Variants in SEC24D observed in about 807,000 individuals in gnomAD.
SEC24D encodes the protein SEC24 homolog D, COPII component, also known as protein transport protein Sec24D.
In SEC24D, 69 loss-of-function variants were observed where a neutral mutation model predicts 116.9. That is an observed-to-expected ratio of 0.59 (90% CI 0.49 to 0.72). The LOEUF (loss-of-function observed/expected upper bound fraction) is 0.72, where lower values mean the gene tolerates loss of function less well. SEC24D is among the 30% of genes least tolerant of loss of function. SEC24D has a pLI of 0.00. For synonymous variants in SEC24D, 405 were observed against 442.8 expected (o/e 0.91, Z 1.07); for missense variants, 1,131 against 1,264.1 (o/e 0.89, Z 1.60).
rs774592228 is a variant in SEC24D, at chr4:118,833,560, T to TCAAAATAA, written c.118+11_118+18dup. 1.4e-5 allele frequency: 21 copies of TCAAAATAA among 1,529,176 alleles called. 1 individual carries two copies. The East Asian group carries it at 4.7e-4, about 34-fold the overall frequency. The allele number at this position is 1,529,176 out of a possible 1,614,324, so 94.7% of individuals were successfully genotyped here. A position where few individuals can be genotyped will look rare whatever the true frequency, so the allele number is the denominator to read the frequency against. On this transcript the variant is annotated intron_variant, in intron 2 of 22. Transcript: ENST00000280551. Reference sequence around the variant, plus strand: ...TGAGAACTGAATAATCACATACAAGTCAAAATAACACACTGTACCTGTTGG... The same window carrying TCAAAATAA: ...TGAGAACTGAATAATCACATACAAGTCAAAATAACAAAATAACACACTGTACCTGTTGG...
intron 6 of SEC24D, among the ~76,000 whole-genome samples, chr4:118,814,094 C>T (rs536094536): frequency 6.6e-6 from 1 of 152,298 alleles, no homozygotes; most frequent in East Asian, 1.9e-4. Flanking sequence ...TTTATCGAAC[C>T]TATTCAAAGA....
chr4:118,810,074 C>CTG (rs71595321), intron 6 of SEC24D, among the ~76,000 whole-genome samples: 2,360 of 38,522 alleles, frequency 0.061, 192 homozygotes, highest in South Asian at 0.077. Context: ...TCAGAGGTAG[C>CTG]TGTGTGTGTG....
At chr4:118,724,862 G>A (rs374247048) in intron 22 of SEC24D, among the ~76,000 whole-genome samples, 1 of 152,182 alleles carries the variant, frequency 6.6e-6, no homozygotes, top group Non-Finnish European at 1.5e-5. Flanking sequence ...TAAGAGGAGC[G>A]AGGGTATTTC....
At chr4:118,766,338 G>A (rs1727643245) in intron 9 of SEC24D, among the ~76,000 whole-genome samples, 1 of 152,176 alleles carries the variant, frequency 6.6e-6, no homozygotes, top group African/African-American at 2.4e-5. Context: ...GGAAATAAGA[G>A]TGGAATCACT....
Position 118,836,123 on chromosome 4 carries a change from A to G in SEC24D, c.-224T>C, listed in dbSNP as rs933425422. ...CAGCTGGGCTGGGAACTGCCACGTC[A>G]AACCCTTTCTCGGCTGCGCGCCCCC... On this transcript the variant is annotated 5_prime_UTR_variant, in exon 1 of 23. Transcript: ENST00000280551. The G allele has an allele frequency of 6.6e-6, 1 of 151,976 alleles. No homozygotes were observed. Among genetic ancestry groups the G allele is most frequent in the Non-Finnish European group, 1.5e-5 (1 of 68,058 alleles). 9.4% of individuals were successfully genotyped at this position (151,976 alleles called of 1,614,324 possible). A position where few individuals can be genotyped will look rare whatever the true frequency, so the allele number is the denominator to read the frequency against.
chr4:118,821,345 T>C (rs1211552526), intron 3 of SEC24D, among the ~76,000 whole-genome samples: 1 of 152,196 alleles, frequency 6.6e-6, no homozygotes, highest in Non-Finnish European at 1.5e-5. Flanking sequence ...TTAAACTTGA[T>C]TGATTGAATT....
intron 8 of SEC24D, among the ~76,000 whole-genome samples, chr4:118,780,779 C>T (rs1486035279): frequency 6.6e-6 from 1 of 152,066 alleles, no homozygotes; most frequent in South Asian, 2.1e-4. Context: ...GCATTGGATG[C>T]ATATATATTT....
chr4:118,763,338 T>C (rs1426530238), intron 10 of SEC24D, among the ~76,000 whole-genome samples: 1 of 152,122 alleles, frequency 6.6e-6, no homozygotes, highest in Non-Finnish European at 1.5e-5. Context: ...ATAAGTTATG[T>C]TAATGGAAAA....
At chr4:118,834,587 T>A (rs1354559372) in intron 1 of SEC24D, among the ~76,000 whole-genome samples, 2 of 149,564 alleles carry the variant, frequency 1.3e-5, no homozygotes, top group East Asian at 1.9e-4. Flanking sequence ...ACTGATGATT[T>A]AAAAAAAAAA....
chr4:118,736,021 C>CTTTTTTTTTTTT (rs70944808), intron 19 of SEC24D: 3 of 72,816 alleles, frequency 4.1e-5, no homozygotes, highest in Non-Finnish European at 5.2e-5. Context: ...AGTTATATGT[C>CTTTTTTTTTTTT]TTTTTTTTTT....
At chr4:118,738,220 G>A (rs749923087) in intron 19 of SEC24D, 41 bp downstream of exon 19, 16 of 1,339,606 alleles carry the variant, frequency 1.2e-5, no homozygotes, top group South Asian at 3.5e-5. Flanking sequence ...ATGAGTAGTC[G>A]TTTGTAACAC....
rs115571066 is a variant in SEC24D, at chr4:118,805,934, A to C, written c.822T>G (p.Asp274Glu). The change falls in exon 7 of 23, where the codon GAT becomes GAG. Residue 274 changes from aspartate (D) to glutamate (E), a missense_variant. By Grantham distance (45) the Asp-to-Glu change is conservative (BLOSUM62 2). Transcript: ENST00000280551. ...IPSPIQVIEN[D>E]RASRGGQVYA... ...AAACTTGTCCTCCTCTGCTGGCTCT[A>C]TCATTCTCAATCACCTGGATCTGAT... 6.2e-4 allele frequency: 993 copies of C among 1,596,064 alleles called. 6 individuals carry two copies. The African/African-American group carries it at 0.012, about 19-fold the overall frequency.
At chr4:118,818,852 G>A (rs1295496383) in intron 3 of SEC24D, among the ~76,000 whole-genome samples, 1 of 151,786 alleles carries the variant, frequency 6.6e-6, no homozygotes, top group Non-Finnish European at 1.5e-5. Context: ...TAGAAATAAT[G>A]GAATGAATAA....
intron 3 of SEC24D, 133 bp from the exon 4 acceptor site, chr4:118,817,545 A>G: frequency 1.6e-6 from 1 of 613,272 alleles, no homozygotes; most frequent in South Asian, 3.3e-5. Flanking sequence ...ATTATATACT[A>G]AATCTTTAAT....
At chr4:118,805,540 A>C (rs564958822) in intron 7 of SEC24D, among the ~76,000 whole-genome samples, 3 of 152,364 alleles carry the variant, frequency 2.0e-5, no homozygotes, top group Non-Finnish European at 4.4e-5. Context: ...TTTCCAACAT[A>C]GTGAATAAAT....
At chr4:118,739,033 A>C in intron 18 of SEC24D, 116 bp downstream of exon 18, 1 of 899,984 alleles carries the variant, frequency 1.1e-6, no homozygotes, top group Non-Finnish European at 1.8e-6. Flanking sequence ...TGCTTTTATT[A>C]GTTCTGAATT....
intron 8 of SEC24D, among the ~76,000 whole-genome samples, chr4:118,774,640 TAC>T (rs761655421): frequency 1.3e-5 from 2 of 152,138 alleles, no homozygotes; most frequent in Non-Finnish European, 2.9e-5. Flanking sequence ...TAGAAAAGCA[TAC>T]AGTTTCAGAG....
At chr4:118,752,450 G>A (rs554406786) in intron 12 of SEC24D, among the ~76,000 whole-genome samples, 13 of 152,100 alleles carry the variant, frequency 8.5e-5, no homozygotes, top group Non-Finnish European at 1.3e-4. Context: ...CAGAAAAAGA[G>A]GAAGAACCAA....
chr4:118,745,077 A>T lies in SEC24D; in HGVS notation c.1708-17T>A. The T allele has an allele frequency of 7.7e-7, 1 of 1,295,550 alleles. No homozygotes were observed. Among genetic ancestry groups the T allele is most frequent in the Non-Finnish European group, 1.1e-6 (1 of 917,138 alleles). 80.3% of individuals were successfully genotyped at this position (1,295,550 alleles called of 1,614,324 possible). ...GTCTGCTGCCTAAAAAAAAAAAAAA[A>T]CCCAAAAACCCACAGAAAATGCCGT... On this transcript the variant is annotated splice_polypyrimidine_tract_variant and intron_variant, in intron 13 of 22. Coordinates refer to ENST00000280551, the MANE Select transcript of SEC24D (RefSeq NM_014822.4).
Sources: allele counts gnomAD v4.1 joint callset (sites outside exome capture counted in the v4.1 genomes callset), GRCh38; gene constraint gnomAD v4.1.1; transcripts MANE v1.5; gene names NCBI Gene and HGNC (gene_info 2026-07-23, HGNC 2026-07-21).